DNAH11: variants seen among roughly 807,000 people sequenced by gnomAD.
The protein encoded by DNAH11 is axonemal beta dynein heavy chain 11.
A neutral mutation model predicts 526.0 loss-of-function variants in DNAH11; 442 were observed. The observed-to-expected ratio is 0.84, with a 90% CI of 0.78 to 0.91. DNAH11 has a LOEUF of 0.91. Among genes scored for constraint, DNAH11 ranks in the 40% least tolerant of loss-of-function variants. The probability of loss-of-function intolerance (pLI) is 0.00; values close to 1 mark genes in which losing one functional copy is unlikely to be tolerated. For synonymous variants in DNAH11, 2,461 were observed against 1,935.9 expected (o/e 1.27, Z -7.12); for missense variants, 6,989 against 5,448.7 (o/e 1.28, Z -8.90).
chr7:21,771,917 T>A (rs535613983), intron 55 of DNAH11, among the ~76,000 whole-genome samples: 1 of 152,206 alleles, frequency 6.6e-6, no homozygotes, highest in Admixed American at 6.5e-5. Context: ...TTTATGCTAA[T>A]GAAATTACTG....
At position 21,807,904 on chromosome 7, in the gene DNAH11, C is replaced by A. The variant is rs1174801770; in HGVS notation, c.10187C>A (p.Ser3396Tyr). The A allele has an allele frequency of 6.2e-7, 1 of 1,602,278 alleles. No homozygotes were observed. The highest frequency in any genetic ancestry group is 8.5e-7 in the Non-Finnish European group (1 of 1,171,218). The change falls in exon 63 of 82, where the codon TCC (serine) becomes TAC (tyrosine). Residue 3396 changes from serine to tyrosine, a missense_variant. Physicochemically the swap from Ser to Tyr is moderately radical, Grantham distance 144. Transcript: ENST00000409508. ...TCAGAGAAGATTCGCTGGGGTCAAT[C>A]CATTAAGTCCTTTGAAGCTCAAGAG... ...LEAKKIRWGQ[S>Y]IKSFEAQEKT...
chr7:21,690,780 G>A lies in DNAH11; in HGVS notation c.5940G>A (p.Gly1980=), dbSNP rs1324170898. The change falls in exon 35 of 82, where the codon GGG becomes GGA. Residue 1980 remains glycine, a synonymous_variant. Transcript: ENST00000409508. ...TTTATGGTAGATTTGTATTTCTTGG[G>A]GAAGCTATCACACTGAAGCCATCAG... The part of the protein sequence containing the change: ...RNRKKRFVFL[G]EAITLKPSVG... The A allele has an allele frequency of 2.5e-6, 4 of 1,605,768 alleles. No individual in the cohort carries two copies. The highest frequency in any genetic ancestry group is 1.7e-5 in the Admixed American group (1 of 58,680).
chr7:21,825,914 G>A (rs1790271732), intron 65 of DNAH11, among the ~76,000 whole-genome samples: 1 of 151,106 alleles, frequency 6.6e-6, no homozygotes, highest in Admixed American at 6.6e-5. Context: ...AGCCAAGATG[G>A]TGCCACTGCA....
intron 74 of DNAH11, among the ~76,000 whole-genome samples, chr7:21,876,601 C>G (rs1042999608): frequency 1.3e-5 from 2 of 152,206 alleles, no homozygotes; most frequent in African/African-American, 4.8e-5. Flanking sequence ...ACAGATAGTC[C>G]ATTCAGAAGT....
intron 2 of DNAH11, among the ~76,000 whole-genome samples, chr7:21,555,830 C>T (rs1295921131): frequency 6.6e-6 from 1 of 152,126 alleles, no homozygotes; most frequent in Non-Finnish European, 1.5e-5. Flanking sequence ...GGACGTGTTT[C>T]TGCTCTCGAC....
intron 27 of DNAH11, among the ~76,000 whole-genome samples, chr7:21,638,233 G>A (rs1302887254): frequency 6.6e-6 from 1 of 152,198 alleles, no homozygotes; most frequent in Non-Finnish European, 1.5e-5. Context: ...CTACTAAAAT[G>A]ATGGGTTGTG....
intron 55 of DNAH11, among the ~76,000 whole-genome samples, chr7:21,766,007 C>T (rs1787171454): frequency 6.6e-6 from 1 of 152,080 alleles, no homozygotes; most frequent in South Asian, 2.1e-4. Context: ...GCTTCTTAAC[C>T]AAGTAAGGCA....
intron 25 of DNAH11, among the ~76,000 whole-genome samples, chr7:21,631,108 G>A (rs1786582781): frequency 6.6e-6 from 1 of 152,162 alleles, no homozygotes. Flanking sequence ...TGTCTCACAT[G>A]GCAGCAGACA....
intron 14 of DNAH11, among the ~76,000 whole-genome samples, chr7:21,597,617 C>A (rs1210524517): frequency 6.6e-6 from 1 of 152,088 alleles, no homozygotes; most frequent in African/African-American, 2.4e-5. Context: ...ATCAAACAAC[C>A]AGATCTCATG....
chr7:21,819,229 C>T (rs1035079492), intron 65 of DNAH11, among the ~76,000 whole-genome samples: 4 of 152,054 alleles, frequency 2.6e-5, no homozygotes, highest in South Asian at 2.1e-4. Context: ...TTAACGCCCA[C>T]GCTCTGCCTC....
chr7:21,891,694 C>A (rs557636656), intron 76 of DNAH11, among the ~76,000 whole-genome samples: 2 of 152,268 alleles, frequency 1.3e-5, no homozygotes, highest in South Asian at 2.1e-4. Flanking sequence ...ACGATAAAAG[C>A]CCGCTTTCTC....
intron 39 of DNAH11, among the ~76,000 whole-genome samples, chr7:21,706,647 T>G (rs1221871695): frequency 6.6e-6 from 1 of 152,202 alleles, no homozygotes; most frequent in Non-Finnish European, 1.5e-5. Flanking sequence ...AGCTTAATAT[T>G]CCTAAGGCAT....
intron 65 of DNAH11, among the ~76,000 whole-genome samples, chr7:21,823,206 T>A (rs777164826): frequency 1.2e-4 from 19 of 152,246 alleles, no homozygotes; most frequent in South Asian, 4.1e-4. Flanking sequence ...ACAAGCTTTT[T>A]CAAATAAACA....
chr7:21,587,351 C>A (rs1784506662), intron 9 of DNAH11, among the ~76,000 whole-genome samples: 1 of 152,138 alleles, frequency 6.6e-6, no homozygotes, highest in Non-Finnish European at 1.5e-5. Flanking sequence ...GTCTGTGTGT[C>A]TGCTTTCTCC....
intron 57 of DNAH11, 49 bp downstream of exon 57, chr7:21,779,153 A>G (rs1291481830): frequency 6.4e-7 from 1 of 1,565,572 alleles, no homozygotes; most frequent in South Asian, 1.2e-5. Context: ...TTAGCACAAA[A>G]TAAACCTTGG....
chr7:21,899,114 T>C (rs1329545137), intron 79 of DNAH11, among the ~76,000 whole-genome samples: 3 of 152,180 alleles, frequency 2.0e-5, no homozygotes, highest in Non-Finnish European at 1.5e-5. Flanking sequence ...TCAGTGTATC[T>C]TGCTCTAATG....
At chr7:21,575,763 C>G (rs933436750) in intron 8 of DNAH11, among the ~76,000 whole-genome samples, 5 of 152,306 alleles carry the variant, frequency 3.3e-5, no homozygotes, top group African/African-American at 1.2e-4. Context: ...GGTGCATGCA[C>G]TGGCATATAC....
chr7:21,813,313 A>G (rs1429111105), intron 63 of DNAH11, among the ~76,000 whole-genome samples: 5 of 152,192 alleles, frequency 3.3e-5, no homozygotes, highest in African/African-American at 4.8e-5. Context: ...ATTAGTGCCA[A>G]TAATTAGTTA....
chr7:21,561,445 G>T, intron 5 of DNAH11: 1 of 268,222 alleles, frequency 3.7e-6, no homozygotes. Context: ...TTCATTCGGA[G>T]TTAAAAAAAA....
Sources: allele counts gnomAD v4.1 joint callset (sites outside exome capture counted in the v4.1 genomes callset), GRCh38; gene constraint gnomAD v4.1.1; transcripts MANE v1.5; gene names NCBI Gene and HGNC (gene_info 2026-07-23, HGNC 2026-07-21).